The following LRRC4C variants were observed in gnomAD, a reference collection of about 807,000 sequenced individuals.
LRRC4C encodes the protein leucine-rich repeat-containing protein 4C.
LRRC4C carries 5 observed loss-of-function variants against 33.6 expected under a neutral mutation model. That is an observed-to-expected ratio of 0.15 (90% CI 0.08 to 0.31). The LOEUF (loss-of-function observed/expected upper bound fraction) is 0.31, where lower values mean the gene tolerates loss of function less well. LRRC4C is among the 10% of genes least tolerant of loss of function. LRRC4C has a pLI of 1.00. For synonymous variants in LRRC4C, 329 were observed against 302.0 expected (o/e 1.09, Z -0.93); for missense variants, 560 against 796.7 (o/e 0.70, Z 3.58).
At chr11:41,119,854 C>T (rs181432769) in intron 1 of LRRC4C, among the ~76,000 whole-genome samples, 2 of 152,148 alleles carry the variant, frequency 1.3e-5, no homozygotes, top group East Asian at 3.9e-4. Flanking sequence ...GAGCTGAGGA[C>T]ATTAGTTTCA....
At chr11:40,598,896 A>G (rs1426861774) in intron 3 of LRRC4C, among the ~76,000 whole-genome samples, 2 of 152,146 alleles carry the variant, frequency 1.3e-5, no homozygotes, top group African/African-American at 4.8e-5. Flanking sequence ...TGAAATGGTG[A>G]AGTCTGCTTA....
intron 5 of LRRC4C, among the ~76,000 whole-genome samples, chr11:40,202,289 G>GT (rs11284046): frequency 2.3e-3 from 338 of 149,494 alleles, no homozygotes; most frequent in African/African-American, 7.7e-3. Context: ...AAGTAGGCAG[G>GT]TTTTTTTTGT....
intron 1 of LRRC4C, among the ~76,000 whole-genome samples, chr11:41,098,281 T>G (rs1461502524): frequency 6.6e-6 from 1 of 152,168 alleles, no homozygotes; most frequent in Non-Finnish European, 1.5e-5. Context: ...GCGGCCACAC[T>G]GCTTGTAATA....
chr11:40,294,873 T>C (rs1227701966), intron 4 of LRRC4C, among the ~76,000 whole-genome samples: 1 of 151,706 alleles, frequency 6.6e-6, no homozygotes, highest in African/African-American at 2.4e-5. Flanking sequence ...AATAGGCTCA[T>C]CAGAAAGAAT....
At chr11:40,426,367 G>C (rs1590698570) in intron 3 of LRRC4C, among the ~76,000 whole-genome samples, 1 of 138,900 alleles carries the variant, frequency 7.2e-6, no homozygotes, top group East Asian at 2.3e-4. Flanking sequence ...TCCTCACTTT[G>C]ATCCAGCCAC....
chr11:40,774,701 C>G (rs1395029808), intron 2 of LRRC4C, among the ~76,000 whole-genome samples: 1 of 151,986 alleles, frequency 6.6e-6, no homozygotes, highest in Non-Finnish European at 1.5e-5. Context: ...AAAATATACT[C>G]AACTTTATAT....
At chr11:40,728,523 G>T (rs535218608) in intron 2 of LRRC4C, among the ~76,000 whole-genome samples, 1 of 151,280 alleles carries the variant, frequency 6.6e-6, no homozygotes, top group African/African-American at 2.4e-5. Flanking sequence ...CCTCTCGGAA[G>T]GCTGAGGCGG....
intron 3 of LRRC4C, among the ~76,000 whole-genome samples, chr11:40,329,816 G>A (rs145906098): frequency 0.015 from 2,186 of 144,940 alleles, 21 homozygotes; most frequent in African/African-American, 0.029. Flanking sequence ...GTCTTGGCTC[G>A]CTGCAACATC....
chr11:40,408,773 T>TA (rs1167975383), intron 3 of LRRC4C, among the ~76,000 whole-genome samples: 1 of 151,836 alleles, frequency 6.6e-6, no homozygotes, highest in Non-Finnish European at 1.5e-5. Context: ...GAAGAAGACA[T>TA]AAAAAATTGG....
intron 2 of LRRC4C, among the ~76,000 whole-genome samples, chr11:40,809,120 A>G (rs1157597393): frequency 6.6e-6 from 1 of 152,116 alleles, no homozygotes; most frequent in African/African-American, 2.4e-5. Flanking sequence ...CTGTCTTCCA[A>G]CAACCATCTC....
chr11:40,361,900 G>T (rs1206151739), intron 3 of LRRC4C, among the ~76,000 whole-genome samples: 4 of 152,112 alleles, frequency 2.6e-5, no homozygotes, highest in South Asian at 2.1e-4. Flanking sequence ...GCATGGTACT[G>T]GTAAAAGAAC....
intron 6 of LRRC4C, among the ~76,000 whole-genome samples, chr11:40,140,353 G>T (rs1857278310): frequency 6.6e-6 from 1 of 152,114 alleles, no homozygotes; most frequent in Non-Finnish European, 1.5e-5. Flanking sequence ...GTTTGCTGGT[G>T]GATGGTGGTG....
chr11:41,308,893 C>T (rs541771632), intron 1 of LRRC4C, among the ~76,000 whole-genome samples: 63 of 152,196 alleles, frequency 4.1e-4, no homozygotes, highest in Admixed American at 1.0e-3. Flanking sequence ...CAACCCCCAC[C>T]TCCCGGTATC....
intron 3 of LRRC4C, among the ~76,000 whole-genome samples, chr11:40,363,081 G>A (rs1948035498): frequency 6.6e-6 from 1 of 152,102 alleles, no homozygotes; most frequent in Non-Finnish European, 1.5e-5. Flanking sequence ...AATATAAATT[G>A]TTCTCTTATA....
At chr11:40,754,850 A>G (rs540994124) in intron 2 of LRRC4C, among the ~76,000 whole-genome samples, 2 of 151,638 alleles carry the variant, frequency 1.3e-5, no homozygotes, top group African/African-American at 2.4e-5. Flanking sequence ...TTATATTTTT[A>G]TGTTTTCATA....
chr11:40,294,807 A>G (rs946077694), intron 4 of LRRC4C, among the ~76,000 whole-genome samples: 1 of 152,080 alleles, frequency 6.6e-6, no homozygotes, highest in African/African-American at 2.4e-5. Context: ...AGCCTGGGAG[A>G]CAAGAGCAAG....
At chr11:41,368,131 C>T (rs1202008445) in intron 1 of LRRC4C, among the ~76,000 whole-genome samples, 1 of 152,166 alleles carries the variant, frequency 6.6e-6, no homozygotes, top group African/African-American at 2.4e-5. Context: ...CTTTAAATTA[C>T]AGCAGATATC....
chr11:40,415,786 C>A (rs1317625999), intron 3 of LRRC4C, among the ~76,000 whole-genome samples: 1 of 152,046 alleles, frequency 6.6e-6, no homozygotes, highest in African/African-American at 2.4e-5. Context: ...CTTTCCTTAT[C>A]AATCAGTAAG....
intron 4 of LRRC4C, among the ~76,000 whole-genome samples, chr11:40,304,855 A>T (rs1253869856): frequency 6.6e-6 from 1 of 151,634 alleles, no homozygotes; most frequent in Non-Finnish European, 1.5e-5. Context: ...CTTTCACTCC[A>T]GTTCAGATCC....
Sources: gnomAD v4.1 joint callset for allele counts (sites outside exome capture counted in the v4.1 genomes callset) on GRCh38, gnomAD v4.1.1 for gene constraint, MANE v1.5 for transcripts, NCBI Gene and HGNC (gene_info 2026-07-23, HGNC 2026-07-21) for gene names.